RGS5: variants seen among roughly 807,000 people sequenced by gnomAD.
RGS5 encodes regulator of G protein signaling 5.
RGS5 carries 20 observed loss-of-function variants against 18.9 expected under a neutral mutation model. The ratio of observed to expected loss-of-function variants is 1.06; its 90% confidence interval spans 0.74 to 1.54. The LOEUF is 1.54. RGS5 is among the 40% of genes most tolerant of loss of function. RGS5 has a pLI of 0.00. For synonymous variants in RGS5, 57 were observed against 76.2 expected (o/e 0.75, Z 1.31); for missense variants, 201 against 211.8 (o/e 0.95, Z 0.32).
intron 2 of RGS5, among the ~76,000 whole-genome samples, chr1:163,232,736 G>T (rs1447857339): frequency 6.6e-6 from 1 of 152,140 alleles, no homozygotes; most frequent in Non-Finnish European, 1.5e-5. Flanking sequence ...CATGCCTGTG[G>T]GCTAGGGTCA....
At chr1:163,268,553 C>A (rs1322183072) in intron 2 of RGS5, among the ~76,000 whole-genome samples, 1 of 152,026 alleles carries the variant, frequency 6.6e-6, no homozygotes, top group African/African-American at 2.4e-5. Context: ...TTAAACCTAC[C>A]AATCCAGAAC....
rs577192647 is a variant in RGS5 at position 163,147,002 on chromosome 1, T to C, written c.*340A>G. 26 of 172,514 alleles carry C rather than the reference T, an allele frequency of 1.5e-4. No individual in the cohort carries two copies. In the Admixed American group the frequency reaches 1.6e-3, roughly 11 times the overall value. The allele number at this position is 172,514 out of a possible 1,614,324, so 10.7% of individuals were successfully genotyped here. On this transcript the variant is annotated 3_prime_UTR_variant, in exon 5 of 5. Coordinates refer to ENST00000313961, the MANE Select transcript of RGS5 (RefSeq NM_003617.4). ...TTTTTTAGACCAATTTAGCTGGAAATCTATTACTTAACCCACATTCATTGA... is the reference window on the plus strand; with the variant it reads ...TTTTTTAGACCAATTTAGCTGGAAACCTATTACTTAACCCACATTCATTGA...
intron 1 of RGS5, among the ~76,000 whole-genome samples, chr1:163,199,358 A>G (rs1337708005): frequency 6.6e-6 from 1 of 152,234 alleles, no homozygotes; most frequent in Non-Finnish European, 1.5e-5. Context: ...AATAGTTTAT[A>G]CAAATATATC....
intron 2 of RGS5, 120 bp downstream of exon 2, chr1:163,168,138 C>A: frequency 1.5e-6 from 1 of 664,728 alleles, no homozygotes; most frequent in South Asian, 2.5e-5. Flanking sequence ...TCTCTGAGGG[C>A]TCTTATGATC....
intron 2 of RGS5, among the ~76,000 whole-genome samples, chr1:163,229,020 G>A (rs1647403436): frequency 6.6e-6 from 1 of 152,096 alleles, no homozygotes; most frequent in African/African-American, 2.4e-5. Context: ...CTTCTTCTGA[G>A]TCCTCCAAAC....
chr1:163,198,486 A>G (rs1417596329), intron 1 of RGS5, among the ~76,000 whole-genome samples: 2 of 152,162 alleles, frequency 1.3e-5, no homozygotes, highest in East Asian at 3.9e-4. Context: ...AGGAGGCCTC[A>G]TATACTTTTA....
intron 1 of RGS5, among the ~76,000 whole-genome samples, chr1:163,215,383 T>C (rs889945455): frequency 2.6e-5 from 4 of 152,172 alleles, no homozygotes; most frequent in Non-Finnish European, 5.9e-5. Flanking sequence ...CTATAAGATA[T>C]AGTTAATAGA....
intron 1 of RGS5, among the ~76,000 whole-genome samples, chr1:163,195,345 G>T (rs1659521128): frequency 6.6e-6 from 1 of 152,126 alleles, no homozygotes; most frequent in South Asian, 2.1e-4. Context: ...CATATTGCAT[G>T]TTCTCACTTA....
intron 1 of RGS5, among the ~76,000 whole-genome samples, chr1:163,214,106 A>C (rs1233942285): frequency 2.0e-5 from 3 of 152,168 alleles, no homozygotes; most frequent in Admixed American, 2.0e-4. Context: ...CCATGGGACT[A>C]AAGTATGATT....
upstream of RGS5, among the ~76,000 whole-genome samples, chr1:163,205,734 G>A (rs542388804): frequency 6.6e-6 from 1 of 152,352 alleles, no homozygotes; most frequent in South Asian, 2.1e-4. Context: ...AGTGGAAGCA[G>A]TGAGAGACAT....
chr1:163,259,355 G>C (rs958013844), intron 2 of RGS5, among the ~76,000 whole-genome samples: 1 of 151,024 alleles, frequency 6.6e-6, no homozygotes, highest in Non-Finnish European at 1.5e-5. Context: ...CAGTAGAGAC[G>C]GGGTTTCACC....
chr1:163,162,927 A>C (rs1181138338), intron 2 of RGS5: 1 of 151,918 alleles, frequency 6.6e-6, no homozygotes, highest in Non-Finnish European at 1.5e-5. Flanking sequence ...ATTTACTAGA[A>C]TATTAAGGCC....
At chr1:163,153,829 C>CAT (rs3835731) in intron 3 of RGS5, among the ~76,000 whole-genome samples, 82,874 of 150,284 alleles carry the variant, frequency 0.55, 24,991 homozygotes, top group South Asian at 0.71. Context: ...ATATTACACA[C>CAT]ATATATATAT....
In RGS5 at chr1:163,236,195, C is replaced by A. The variant is rs941042868; in HGVS notation, c.-280-67827G>T. Among the ~76,000 whole-genome samples the A allele has an allele frequency of 2.0e-5, 3 of 152,130 alleles. No homozygotes were observed. In the East Asian group the frequency reaches 5.8e-4, roughly 30 times the overall value. The stretch of plus-strand genomic sequence containing the variant: ...CTCTTTCGTCTCATATGTTATACAG[C>A]TAAAAGCAAAAAGTACAACAAAATT... On this transcript the variant is annotated intron_variant, in intron 2 of 5. Transcript: ENST00000618415.
At position 163,298,925 on chromosome 1, in the gene RGS5, G is replaced by A. The variant is rs139807103; in HGVS notation, c.-281+7308C>T. On this transcript the variant is annotated intron_variant, in intron 2 of 5. Transcript: ENST00000618415. ...GTAGATAATTACCTTGAAGATGCTGGAAATAAAATAAAATCCATGCTTGCC... is the reference window on the plus strand; with the variant it reads ...GTAGATAATTACCTTGAAGATGCTGAAAATAAAATAAAATCCATGCTTGCC... Among the ~76,000 whole-genome samples the A allele has an allele frequency of 9.2e-3, 1,407 of 152,244 alleles. 12 individuals are homozygous for A. The highest frequency in any genetic ancestry group is 0.02 in the Middle Eastern group (6 of 294).
chr1:163,229,495 G>A (rs950201481), intron 2 of RGS5, among the ~76,000 whole-genome samples: 1 of 152,146 alleles, frequency 6.6e-6, no homozygotes, highest in African/African-American at 2.4e-5. Flanking sequence ...GGCAAAGTTG[G>A]AGTAGTAACA....
intron 2 of RGS5, among the ~76,000 whole-genome samples, chr1:163,164,321 T>C (rs1657941670): frequency 6.6e-6 from 1 of 152,330 alleles, no homozygotes; most frequent in East Asian, 1.9e-4. Flanking sequence ...ATGGAGTTTC[T>C]GTGCGTGGGA....
chr1:163,175,795 A>T (rs945892136), intron 1 of RGS5, among the ~76,000 whole-genome samples: 2 of 152,220 alleles, frequency 1.3e-5, no homozygotes, highest in African/African-American at 4.8e-5. Flanking sequence ...AATATATGAT[A>T]CATGATGGAA....
At chr1:163,217,534 G>A (rs1345430401) in exon 1 of RGS5, 8 of 1,538,442 alleles carry the variant, frequency 5.2e-6, no homozygotes, top group East Asian at 2.5e-5. Flanking sequence ...ACATTGATAT[G>A]CCAATGAGCA....
Sources: allele counts gnomAD v4.1 joint callset (sites outside exome capture counted in the v4.1 genomes callset), GRCh38; gene constraint gnomAD v4.1.1; transcripts MANE v1.5; gene names NCBI Gene and HGNC (gene_info 2026-07-23, HGNC 2026-07-21).